GFRA2: variants seen among roughly 807,000 people sequenced by gnomAD.
The protein encoded by GFRA2 is GDNF family receptor alpha-2.
GFRA2 carries 17 observed loss-of-function variants against 48.3 expected under a neutral mutation model. That is an observed-to-expected ratio of 0.35 (90% CI 0.24 to 0.53). The LOEUF (loss-of-function observed/expected upper bound fraction) is 0.53. Among genes scored for constraint, GFRA2 ranks in the 20% least tolerant of loss-of-function variants. The pLI is 0.93. For missense variants in GFRA2, 660 were observed against 637.3 expected, an observed-to-expected ratio of 1.04 and a Z score of -0.38; for synonymous variants, 305 against 257.2, an observed-to-expected ratio of 1.19 and a Z score of -1.78.
intron 4 of GFRA2, among the ~76,000 whole-genome samples, chr8:21,737,698 G>T (rs1804539729): frequency 6.6e-6 from 1 of 151,956 alleles, no homozygotes; most frequent in South Asian, 2.1e-4. Flanking sequence ...CTCCGCCCAA[G>T]ACAGCCTCCC....
At chr8:21,784,862 C>T (rs374836272) in intron 1 of GFRA2, among the ~76,000 whole-genome samples, 1,812 of 152,280 alleles carry the variant, frequency 0.012, 45 homozygotes, top group East Asian at 0.1. Flanking sequence ...CTTTCTTCCC[C>T]GGCTTCAGCA....
intron 2 of GFRA2, among the ~76,000 whole-genome samples, chr8:21,775,989 CTGTG>C (rs200687629): frequency 0.2 from 24,748 of 126,130 alleles, 2,583 homozygotes; most frequent in Non-Finnish European, 0.25. Context: ...CACTCATCCT[CTGTG>C]TGTGTGTGTG....
chr8:21,736,527 C>A (rs1290544271), intron 4 of GFRA2, among the ~76,000 whole-genome samples: 2 of 151,968 alleles, frequency 1.3e-5, no homozygotes, highest in African/African-American at 2.4e-5. Context: ...GACAGGGTCT[C>A]ACTCTGTTGC....
chr8:21,783,665 C>T (rs2117076436), intron 1 of GFRA2, among the ~76,000 whole-genome samples: 1 of 152,136 alleles, frequency 6.6e-6, no homozygotes, highest in Non-Finnish European at 1.5e-5. Flanking sequence ...TCCAACTTCA[C>T]ACCAGACGGA....
chr8:21,696,034 G>T (rs1257008630), intron 7 of GFRA2, among the ~76,000 whole-genome samples: 1 of 149,176 alleles, frequency 6.7e-6, no homozygotes. Context: ...CTAAACCATT[G>T]GGAGCCCTCT....
Position 21,750,789 on chromosome 8 carries a change from C to T in GFRA2, c.593G>A (p.Arg198His), listed in dbSNP as rs1585295084. 7 of 1,613,990 alleles carry T rather than the reference C, an allele frequency of 4.3e-6. No homozygotes were observed. Among genetic ancestry groups the T allele is most frequent in the Non-Finnish European group, 5.9e-6 (7 of 1,179,888 alleles). The change falls in exon 4 of 9, where the codon CGC becomes CAC. Residue 198 changes from arginine (R) to histidine (H), a missense_variant. By Grantham distance (29) the Arg-to-His change is conservative (BLOSUM62 0). Transcript: ENST00000524240. The surrounding 1 kb of genome is among the most constrained non-coding windows in gnomAD (Gnocchi z 5.7). ...EISPTERCNR[R>H]KCHKALRQFF... ...CTGGCGCAGGGCCTTGTGGCACTTG[C>T]GGCGGTTGCAGCGCTCGGTGGGCGA...
At chr8:21,706,063 A>G (rs1248671703) in intron 4 of GFRA2, 22 bp from the exon 5 acceptor site, 1 of 1,487,602 alleles carries the variant, frequency 6.7e-7, no homozygotes, top group Admixed American at 2.0e-5. Context: ...TAGAAGACGC[A>G]ATAGAGAAAA....
chr8:21,756,736 C>A (rs751899197), intron 3 of GFRA2, among the ~76,000 whole-genome samples: 3 of 152,208 alleles, frequency 2.0e-5, no homozygotes, highest in Non-Finnish European at 4.4e-5. Flanking sequence ...CTAAAATGTA[C>A]AAAGGGCAGG....
chr8:21,803,475 G>A (rs1807806799), intron 2 of GFRA2, among the ~76,000 whole-genome samples: 1 of 152,084 alleles, frequency 6.6e-6, no homozygotes, highest in Admixed American at 6.5e-5. Flanking sequence ...CTCTGAGTCT[G>A]GTCCCCTCAG....
intron 3 of GFRA2, among the ~76,000 whole-genome samples, chr8:21,754,205 G>A (rs1037963657): frequency 6.6e-6 from 1 of 152,226 alleles, no homozygotes; most frequent in African/African-American, 2.4e-5. Flanking sequence ...ACAAGCTCCA[G>A]GAAGACAGGG....
chr8:21,759,528 A>AGGAAGGAAGGAAGGAG lies in GFRA2; in HGVS notation c.440-8602_440-8587dup, dbSNP rs1563252229. On this transcript the variant is annotated intron_variant, in intron 3 of 8. Transcript: ENST00000524240. ...AAGGAAGGAAGGAAGGAAGGAAGGAAGGAAGGAAGGAAGGAGGGAAGGAAG... is the reference window on the plus strand; with the variant it reads ...AAGGAAGGAAGGAAGGAAGGAAGGAAGGAAGGAAGGAAGGAGGGAAGGAAGGAAGGAGGGAAGGAAG... Among the ~76,000 whole-genome samples, 342 of 143,686 alleles carry AGGAAGGAAGGAAGGAG rather than the reference A, an allele frequency of 2.4e-3. 6 individuals carry two copies. Among genetic ancestry groups the AGGAAGGAAGGAAGGAG allele is most frequent in the Middle Eastern group, 0.011 (3 of 282 alleles). 94.3% of individuals were successfully genotyped at this position (143,686 alleles called of 152,430 possible).
chr8:21,794,975 C>T (rs1295748117), intron 2 of GFRA2, among the ~76,000 whole-genome samples: 1 of 152,252 alleles, frequency 6.6e-6, no homozygotes, highest in African/African-American at 2.4e-5. Flanking sequence ...CTCAGTGCTT[C>T]ATCATTCTCT....
At chr8:21,696,655 G>C (rs1802191476) in intron 7 of GFRA2, among the ~76,000 whole-genome samples, 1 of 152,094 alleles carries the variant, frequency 6.6e-6, no homozygotes, top group Non-Finnish European at 1.5e-5. Flanking sequence ...GGAGAGAGAG[G>C]ATCTAAAGGC....
At chr8:21,782,927 T>C in intron 1 of GFRA2, 28 bp from the exon 2 acceptor site, 1 of 1,528,814 alleles carries the variant, frequency 6.5e-7, no homozygotes, top group Non-Finnish European at 8.8e-7. Flanking sequence ...AAGACAAGCA[T>C]GAATGACGGC....
intron 4 of GFRA2, among the ~76,000 whole-genome samples, chr8:21,730,027 G>A (rs13269846): frequency 6.6e-6 from 1 of 151,812 alleles, no homozygotes; most frequent in Admixed American, 6.6e-5. Flanking sequence ...GGTGGACCTC[G>A]AGGGCCTCTC....
intron 7 of GFRA2, among the ~76,000 whole-genome samples, chr8:21,694,955 A>C (rs1171041568): frequency 2.0e-5 from 3 of 152,212 alleles, no homozygotes; most frequent in Admixed American, 2.0e-4. Flanking sequence ...AACAGCCTCC[A>C]AGAGCCAACT....
intron 4 of GFRA2, among the ~76,000 whole-genome samples, chr8:21,730,163 G>C (rs1563233020): frequency 1.3e-5 from 2 of 152,146 alleles, no homozygotes; most frequent in African/African-American, 2.4e-5. Flanking sequence ...CCAGCACTTT[G>C]GGAGGCTGAG....
At chr8:21,771,567 T>C (rs1585324148) in intron 3 of GFRA2, among the ~76,000 whole-genome samples, 1 of 151,884 alleles carries the variant, frequency 6.6e-6, no homozygotes, top group Admixed American at 6.6e-5. Flanking sequence ...CATTGGAGGG[T>C]GTTGCAGGAA....
intron 3 of GFRA2, among the ~76,000 whole-genome samples, chr8:21,759,146 T>C (rs1401428215): frequency 6.6e-6 from 1 of 152,078 alleles, no homozygotes; most frequent in Non-Finnish European, 1.5e-5. Flanking sequence ...GCCCCAGCGC[T>C]TTGAGAGGCT....
Sources: allele counts gnomAD v4.1 joint callset (sites outside exome capture counted in the v4.1 genomes callset), GRCh38; gene constraint gnomAD v4.1.1; non-coding constraint Gnocchi (gnomAD v3.1); transcripts MANE v1.5; gene names NCBI Gene and HGNC (gene_info 2026-07-23, HGNC 2026-07-21).